Variants in GUCY1A2 observed in about 807,000 individuals in gnomAD.
GUCY1A2 encodes the protein guanylate cyclase soluble subunit alpha-2.
In GUCY1A2, 27 loss-of-function variants were observed where a neutral mutation model predicts 63.5. The observed-to-expected ratio is 0.43, with a 90% CI of 0.31 to 0.59. The LOEUF is 0.59. GUCY1A2 is among the 20% of genes least tolerant of loss of function. The pLI, the probability that GUCY1A2 is intolerant of heterozygous loss-of-function variation, is 0.11. For missense variants in GUCY1A2, 768 were observed against 913.3 expected, an observed-to-expected ratio of 0.84 and a Z score of 2.05; for synonymous variants, 364 against 343.5, an observed-to-expected ratio of 1.06 and a Z score of -0.66.
chr11:106,857,630 C>T (rs1027563529), intron 4 of GUCY1A2, among the ~76,000 whole-genome samples: 1 of 152,128 alleles, frequency 6.6e-6, no homozygotes. Flanking sequence ...GTACAGTCAG[C>T]TCTCTGTATC....
At chr11:106,761,112 CCTT>C (rs1864058649) in intron 6 of GUCY1A2, among the ~76,000 whole-genome samples, 1 of 152,264 alleles carries the variant, frequency 6.6e-6, no homozygotes, top group East Asian at 1.9e-4. Flanking sequence ...TATTATTTCT[CCTT>C]CTTCTGGCCT....
intron 3 of GUCY1A2, among the ~76,000 whole-genome samples, chr11:106,957,721 G>A (rs926502721): frequency 3.3e-5 from 5 of 151,488 alleles, no homozygotes; most frequent in Non-Finnish European, 7.4e-5. Flanking sequence ...GCTTCCAGTC[G>A]GCCATCTTGG....
intron 6 of GUCY1A2, among the ~76,000 whole-genome samples, chr11:106,717,322 GC>G (rs1863233465): frequency 6.6e-6 from 1 of 152,092 alleles, no homozygotes; most frequent in Admixed American, 6.6e-5. Context: ...GAAACAACAG[GC>G]CCATAGTAGA....
intron 6 of GUCY1A2, among the ~76,000 whole-genome samples, chr11:106,768,460 G>A (rs1864200795): frequency 6.6e-6 from 1 of 152,054 alleles, no homozygotes; most frequent in Non-Finnish European, 1.5e-5. Flanking sequence ...GAATATTCAA[G>A]GCAATAGGAA....
chr11:106,878,926 A>C (rs1859788284), intron 4 of GUCY1A2, among the ~76,000 whole-genome samples: 1 of 152,042 alleles, frequency 6.6e-6, no homozygotes, highest in Admixed American at 6.6e-5. Flanking sequence ...CAGAACAATA[A>C]GATAATTTGT....
intron 5 of GUCY1A2, among the ~76,000 whole-genome samples, chr11:106,797,142 T>C (rs770881821): frequency 6.6e-6 from 1 of 152,158 alleles, no homozygotes; most frequent in Non-Finnish European, 1.5e-5. Flanking sequence ...ATTTAAGGAC[T>C]TCTCTACAAT....
At position 107,017,788 on chromosome 11, in the gene GUCY1A2, G is replaced by C; in HGVS notation, c.268C>G (p.Leu90Val). Reference sequence around the variant, plus strand: ...GTCAGGCGGCTGATGCTCTCGCCCAGCGAGTCCAGGTTGACCCGCCTCCGG... The same window carrying C: ...GTCAGGCGGCTGATGCTCTCGCCCACCGAGTCCAGGTTGACCCGCCTCCGG... ...QRRRRVNLDS[L>V]GESISRLTAP... The change falls in exon 1 of 8, where the codon CTG (leucine) becomes GTG (valine). Residue 90 changes from leucine to valine, a missense_variant. By Grantham distance (32) the Leu-to-Val change is conservative (BLOSUM62 1). Transcript: ENST00000526355. The C allele has an allele frequency of 7.0e-7, 1 of 1,429,756 alleles. No individual in the cohort carries two copies. Among genetic ancestry groups the C allele is most frequent in the South Asian group, 1.5e-5 (1 of 66,720 alleles). The allele number at this position is 1,429,756 out of a possible 1,614,324, so 88.6% of individuals were successfully genotyped here.
chr11:106,840,870 A>C (rs1354247614), intron 4 of GUCY1A2, among the ~76,000 whole-genome samples: 1 of 152,000 alleles, frequency 6.6e-6, no homozygotes, highest in Admixed American at 6.6e-5. Context: ...ATTTTGAGAA[A>C]AATTCATTCT....
chr11:106,727,731 T>C (rs1863431879), intron 6 of GUCY1A2, among the ~76,000 whole-genome samples: 1 of 152,204 alleles, frequency 6.6e-6, no homozygotes. Flanking sequence ...GCTTAGGAAG[T>C]ATCTTGCCAA....
intron 4 of GUCY1A2, among the ~76,000 whole-genome samples, chr11:106,852,295 A>G (rs1279266109): frequency 1.3e-5 from 2 of 151,986 alleles, no homozygotes; most frequent in Non-Finnish European, 2.9e-5. Flanking sequence ...CAATTTTCAT[A>G]CCTTATATTT....
intron 2 of GUCY1A2, among the ~76,000 whole-genome samples, chr11:106,983,465 GA>G (rs1408109137): frequency 2.0e-5 from 3 of 152,168 alleles, no homozygotes; most frequent in Non-Finnish European, 4.4e-5. Context: ...TCTCCGCGTT[GA>G]AGTCTCAGTC....
chr11:106,718,574 G>C (rs1298340449), intron 6 of GUCY1A2, among the ~76,000 whole-genome samples: 2 of 151,990 alleles, frequency 1.3e-5, no homozygotes, highest in Admixed American at 6.6e-5. Flanking sequence ...CAGTCTGTAG[G>C]AGTGTTATTA....
intron 4 of GUCY1A2, among the ~76,000 whole-genome samples, chr11:106,851,070 T>C (rs1312029263): frequency 9.9e-5 from 15 of 152,056 alleles, no homozygotes. Flanking sequence ...GGTTTTGATT[T>C]GCATTTCCCT....
chr11:106,790,303 C>T (rs577380505), intron 5 of GUCY1A2, among the ~76,000 whole-genome samples: 1 of 152,320 alleles, frequency 6.6e-6, no homozygotes, highest in East Asian at 1.9e-4. Context: ...ATCAAACAGG[C>T]TACCGCTGAT....
intron 3 of GUCY1A2, among the ~76,000 whole-genome samples, chr11:106,945,046 A>G (rs1860807802): frequency 6.6e-6 from 1 of 152,052 alleles, no homozygotes; most frequent in Non-Finnish European, 1.5e-5. Flanking sequence ...CCCCTGAACC[A>G]TGGAAAATCC....
At chr11:106,834,457 G>A (rs1043084954) in intron 4 of GUCY1A2, among the ~76,000 whole-genome samples, 1 of 151,872 alleles carries the variant, frequency 6.6e-6, no homozygotes, top group Non-Finnish European at 1.5e-5. Context: ...CAAATCAGAT[G>A]CCAAGTTCAT....
In GUCY1A2 at chr11:106,979,454, C is replaced by CAA. The variant is rs368315276; in HGVS notation, c.366-716_366-715dup. ...TGGGTGACAGAGTGAGACTCCGTCTCAAAAAAAAAAAAAAAAAAAAAGAAG... is the reference window on the plus strand; with the variant it reads ...TGGGTGACAGAGTGAGACTCCGTCTCAAAAAAAAAAAAAAAAAAAAAAAGAAG... On this transcript the variant is annotated intron_variant, in intron 2 of 7. Transcript: ENST00000526355. Among the ~76,000 whole-genome samples the CAA allele has an allele frequency of 2.1e-3, 126 of 59,176 alleles. 1 individual carries two copies. The highest frequency in any genetic ancestry group is 8.2e-3 in the Middle Eastern group (1 of 122). The allele number at this position is 59,176 out of a possible 152,430, so 38.8% of individuals were successfully genotyped here.
intron 7 of GUCY1A2, among the ~76,000 whole-genome samples, chr11:106,698,080 A>C (rs1218299417): frequency 6.7e-6 from 1 of 148,634 alleles, no homozygotes; most frequent in Non-Finnish European, 1.5e-5. Context: ...TCTGTTATGT[A>C]AGTTGAAAAT....
At chr11:106,828,267 G>T in intron 4 of GUCY1A2, among the ~76,000 whole-genome samples, 1 of 150,120 alleles carries the variant, frequency 6.7e-6, no homozygotes, top group East Asian at 2.0e-4. Context: ...TAAATTATTT[G>T]ACTAGGCCCA....
Sources: allele counts gnomAD v4.1 joint callset (sites outside exome capture counted in the v4.1 genomes callset), GRCh38; gene constraint gnomAD v4.1.1; transcripts MANE v1.5; gene names NCBI Gene and HGNC (gene_info 2026-07-23, HGNC 2026-07-21).